The following KIF6 variants were observed in gnomAD, a reference collection of about 807,000 sequenced individuals.
The protein encoded by KIF6 is kinesin-like protein KIF6.
KIF6 carries 106 observed loss-of-function variants against 112.7 expected under a neutral mutation model. The observed-to-expected ratio is 0.94, with a 90% CI of 0.80 to 1.11. The LOEUF (loss-of-function observed/expected upper bound fraction) is 1.11, where lower values mean the gene tolerates loss of function less well. Ranked by LOEUF, KIF6 falls within the 50% of genes least tolerant of loss-of-function variation. The pLI is 0.00. For missense variants in KIF6, 929 were observed against 964.0 expected (o/e 0.96, Z 0.48); for synonymous variants, 339 against 339.9 (o/e 1.00, Z 0.03).
chr6:39,707,872 T>C (rs1258645073), intron 3 of KIF6, among the ~76,000 whole-genome samples: 6 of 152,228 alleles, frequency 3.9e-5, no homozygotes, highest in African/African-American at 7.2e-5. Context: ...AGAAGTGATA[T>C]GTCTGATTCA....
intron 9 of KIF6, among the ~76,000 whole-genome samples, chr6:39,578,436 G>T (rs527380004): frequency 1.3e-5 from 2 of 150,260 alleles, no homozygotes; most frequent in Non-Finnish European, 2.9e-5. Flanking sequence ...GGGTTCAAGC[G>T]ATTCTCCTGC....
intron 16 of KIF6, among the ~76,000 whole-genome samples, chr6:39,368,626 C>T (rs11758036): frequency 0.036 from 5,446 of 152,244 alleles, 172 homozygotes; most frequent in Non-Finnish European, 0.048. Context: ...CTTTAATAAC[C>T]GAAATCCATG....
intron 7 of KIF6, among the ~76,000 whole-genome samples, chr6:39,593,783 C>G (rs942556662): frequency 6.6e-5 from 10 of 152,172 alleles, no homozygotes; most frequent in Non-Finnish European, 1.2e-4. Context: ...ATTCATTCCT[C>G]TGCGTGGTAT....
chr6:39,578,234 C>A, intron 9 of KIF6, 75 bp from the exon 10 acceptor site: 1 of 944,134 alleles, frequency 1.1e-6, no homozygotes, highest in Non-Finnish European at 1.7e-6. Flanking sequence ...ACATACAGCT[C>A]TTAAAATTAT....
intron 13 of KIF6, among the ~76,000 whole-genome samples, chr6:39,498,887 T>C (rs972105902): frequency 1.3e-5 from 2 of 152,196 alleles, no homozygotes; most frequent in African/African-American, 4.8e-5. Flanking sequence ...GAGTGGCATA[T>C]TAAAGCCACC....
intron 12 of KIF6, among the ~76,000 whole-genome samples, chr6:39,541,204 T>C (rs76636469): frequency 0.02 from 3,089 of 152,318 alleles, 99 homozygotes; most frequent in African/African-American, 0.07. Context: ...AGATGATATT[T>C]ATTCTTGGAC....
chr6:39,545,525 T>G, intron 11 of KIF6, 58 bp downstream of exon 11: 1 of 1,344,704 alleles, frequency 7.4e-7, no homozygotes, highest in Non-Finnish European at 1.1e-6. Context: ...TAGAAAAGTT[T>G]TTTTGCAGCT....
chr6:39,540,207 T>C lies in KIF6; in HGVS notation c.1441A>G (p.Met481Val), dbSNP rs756462469. 8 of 1,608,044 alleles carry C rather than the reference T, an allele frequency of 5.0e-6. No individual in the cohort carries two copies. In the Admixed American group the frequency reaches 1.4e-4, roughly 27 times the overall value. ...RDNEINILVNMLKKEKKKAQE... is the reference protein window; with the variant it reads ...RDNEINILVNVLKKEKKKAQE... ...GCTTTCTTCTTTTCTTTTTTTAACA[T>C]GTTGACCAGGATATCTGAAACTTGA... The change falls in exon 13 of 23, where the codon ATG (methionine) becomes GTG (valine). Residue 481 changes from methionine (M) to valine (V), a missense_variant. Around this residue, in one of 2 missense-constraint regions of KIF6, gnomAD observed 688 missense variants for 662.7 expected, o/e 1.04. Coordinates refer to ENST00000287152, the MANE Select transcript of KIF6 (RefSeq NM_145027.6).
chr6:39,356,413 G>A (rs1179464909), intron 19 of KIF6, among the ~76,000 whole-genome samples: 3 of 152,016 alleles, frequency 2.0e-5, no homozygotes, highest in Non-Finnish European at 2.9e-5. Flanking sequence ...TTACAGGCGT[G>A]TGCCACCGCA....
At chr6:39,638,393 A>G (rs1305218099) in intron 4 of KIF6, among the ~76,000 whole-genome samples, 1 of 152,130 alleles carries the variant, frequency 6.6e-6, no homozygotes, top group Non-Finnish European at 1.5e-5. Context: ...GGCCACAGCA[A>G]TGAAAACTAT....
rs1454701422 is a variant in KIF6 at position 39,397,077 on chromosome 6, AG to A, written c.1811-11406del. Among the ~76,000 whole-genome samples, 6 of 152,192 alleles carry A rather than the reference AG, an allele frequency of 3.9e-5. No individual in the cohort carries two copies. The South Asian group carries it at 1.0e-3, about 26-fold the overall frequency. On this transcript the variant is annotated intron_variant, in intron 15 of 22. Coordinates refer to ENST00000287152, the MANE Select transcript of KIF6 (RefSeq NM_145027.6). ...ACATGTCCTTGCAATTGTCCAAATC[AG>A]GGTTTCACAAAGCAGAGCTGTGACC...
intron 3 of KIF6, among the ~76,000 whole-genome samples, chr6:39,693,712 G>A (rs35411880): frequency 1.3e-5 from 2 of 151,810 alleles, no homozygotes; most frequent in South Asian, 4.2e-4. Context: ...TGAGCCAGAA[G>A]GATTTATAGC....
At chr6:39,478,007 G>T (rs1474363666) in intron 13 of KIF6, among the ~76,000 whole-genome samples, 2 of 151,962 alleles carry the variant, frequency 1.3e-5, no homozygotes, top group East Asian at 3.8e-4. Flanking sequence ...CAAGATCTTT[G>T]TTTTTTGGAT....
At chr6:39,540,638 C>T (rs1438388017) in intron 12 of KIF6, among the ~76,000 whole-genome samples, 1 of 152,252 alleles carries the variant, frequency 6.6e-6, no homozygotes, top group Non-Finnish European at 1.5e-5. Context: ...CGGGAGGCAG[C>T]AGCAGAGCAG....
At chr6:39,341,917 C>T (rs1177407615) in intron 22 of KIF6, among the ~76,000 whole-genome samples, 1 of 152,236 alleles carries the variant, frequency 6.6e-6, no homozygotes, top group Non-Finnish European at 1.5e-5. Context: ...ACAATCTACA[C>T]TACATGTGAC....
At chr6:39,614,120 T>C (rs1329567605) in intron 5 of KIF6, among the ~76,000 whole-genome samples, 1 of 152,188 alleles carries the variant, frequency 6.6e-6, no homozygotes, top group Non-Finnish European at 1.5e-5. Context: ...TTCAGGACTT[T>C]CTGCAGTGGA....
chr6:39,700,312 C>A (rs1409052062), intron 3 of KIF6, among the ~76,000 whole-genome samples: 1 of 152,136 alleles, frequency 6.6e-6, no homozygotes, highest in Non-Finnish European at 1.5e-5. Flanking sequence ...TCAGTTATCA[C>A]TAGAGCTAAG....
chr6:39,367,446 A>G (rs1562139293), intron 16 of KIF6, among the ~76,000 whole-genome samples: 2 of 152,258 alleles, frequency 1.3e-5, no homozygotes, highest in East Asian at 3.9e-4. Context: ...GCGAGGTCAC[A>G]CTGTTCATCT....
chr6:39,494,117 C>T (rs1014175061), intron 13 of KIF6, among the ~76,000 whole-genome samples: 3 of 152,152 alleles, frequency 2.0e-5, no homozygotes, highest in Non-Finnish European at 2.9e-5. Flanking sequence ...CCATCCTTAC[C>T]ACTTTCTTTT....
Sources: allele counts gnomAD v4.1 joint callset (sites outside exome capture counted in the v4.1 genomes callset), GRCh38; gene constraint gnomAD v4.1.1; regional missense constraint gnomAD v4.1.1; transcripts MANE v1.5; gene names NCBI Gene and HGNC (gene_info 2026-07-23, HGNC 2026-07-21).